Variants in NGEF observed in about 807,000 individuals in gnomAD.
NGEF encodes neuronal guanine nucleotide exchange factor.
A neutral mutation model predicts 80.9 loss-of-function variants in NGEF; 31 were observed. That is an observed-to-expected ratio of 0.38 (90% CI 0.29 to 0.52). The LOEUF is 0.52. Ranked by LOEUF, NGEF falls within the 20% of genes least tolerant of loss-of-function variation. The pLI, the probability that NGEF is intolerant of heterozygous loss-of-function variation, is 0.84. For synonymous variants in NGEF, 371 were observed against 370.2 expected, an observed-to-expected ratio of 1.00 and a Z score of -0.03; for missense variants, 709 against 926.2, an observed-to-expected ratio of 0.77 and a Z score of 3.04.
intron 3 of NGEF, among the ~76,000 whole-genome samples, chr2:232,930,429 C>T (rs966694012): frequency 1.3e-5 from 2 of 152,056 alleles, no homozygotes; most frequent in African/African-American, 4.8e-5. Context: ...AAGCGATTCT[C>T]CTGCCTCAGG....
At chr2:232,963,675 G>C (rs538797466) in intron 3 of NGEF, among the ~76,000 whole-genome samples, 2 of 152,228 alleles carry the variant, frequency 1.3e-5, no homozygotes, top group South Asian at 4.1e-4. Flanking sequence ...TTAGCTGGGC[G>C]TGGTGGCAGG....
chr2:232,890,970 C>T, intron 8 of NGEF: 1 of 474,560 alleles, frequency 2.1e-6, no homozygotes, highest in East Asian at 6.8e-5. Flanking sequence ...GCGGTTCCCT[C>T]TGCGTGGAAT....
At chr2:232,925,939 G>A (rs1878287) in intron 4 of NGEF, among the ~76,000 whole-genome samples, 4 of 151,954 alleles carry the variant, frequency 2.6e-5, no homozygotes, top group Non-Finnish European at 5.9e-5. Flanking sequence ...CGGAGTCAGC[G>A]CGGCTTAACA....
intron 1 of NGEF, among the ~76,000 whole-genome samples, chr2:233,004,919 T>C (rs1329779362): frequency 6.6e-6 from 1 of 152,016 alleles, no homozygotes; most frequent in African/African-American, 2.4e-5. Context: ...CACTGTGCAA[T>C]ATATCCATGT....
At chr2:232,989,625 C>A (rs1006846730) in intron 1 of NGEF, among the ~76,000 whole-genome samples, 15 of 152,074 alleles carry the variant, frequency 9.9e-5, no homozygotes, top group African/African-American at 3.1e-4. Context: ...CTCCAAGACC[C>A]CTGCTATGCA....
chr2:233,001,251 G>A (rs963018607), intron 1 of NGEF, among the ~76,000 whole-genome samples: 1 of 152,196 alleles, frequency 6.6e-6, no homozygotes, highest in African/African-American at 2.4e-5. Flanking sequence ...CAGACCTCTC[G>A]CTCAGGCCCA....
At chr2:232,957,644 T>A (rs1693857304) in intron 3 of NGEF, among the ~76,000 whole-genome samples, 1 of 152,188 alleles carries the variant, frequency 6.6e-6, no homozygotes, top group Non-Finnish European at 1.5e-5. Context: ...AATATTAATG[T>A]TAAATGTGAA....
At chr2:233,001,368 A>G (rs946667064) in intron 1 of NGEF, among the ~76,000 whole-genome samples, 1 of 152,110 alleles carries the variant, frequency 6.6e-6, no homozygotes, top group Non-Finnish European at 1.5e-5. Flanking sequence ...CATCGAAAGC[A>G]CCTTTGCACA....
intron 1 of NGEF, among the ~76,000 whole-genome samples, chr2:232,977,799 G>A (rs1048282888): frequency 1.1e-4 from 17 of 152,292 alleles, no homozygotes; most frequent in African/African-American, 3.9e-4. Flanking sequence ...CATAGAGCAC[G>A]TCCTGAGGGG....
At chr2:232,938,952 AGG>A (rs1693385416) in intron 3 of NGEF, among the ~76,000 whole-genome samples, 3 of 151,912 alleles carry the variant, frequency 2.0e-5, no homozygotes, top group Admixed American at 2.0e-4. Context: ...AGGCCGAGGC[AGG>A]TGGATCAGAG....
chr2:232,961,277 C>T (rs1448255982), intron 3 of NGEF, among the ~76,000 whole-genome samples: 1 of 152,120 alleles, frequency 6.6e-6, no homozygotes, highest in Non-Finnish European at 1.5e-5. Context: ...CACCCAAGTC[C>T]CTTTCGGCAT....
intron 3 of NGEF, among the ~76,000 whole-genome samples, chr2:232,969,340 G>A (rs4312479): frequency 6.6e-6 from 1 of 151,328 alleles, no homozygotes. Flanking sequence ...AAAATCCTGG[G>A]CTCAAACAAT....
chr2:232,924,006 G>A (rs1438772266), intron 4 of NGEF, among the ~76,000 whole-genome samples: 1 of 152,112 alleles, frequency 6.6e-6, no homozygotes, highest in Non-Finnish European at 1.5e-5. Context: ...GGAGGCTAAG[G>A]TGGGTGGATC....
intron 5 of NGEF, among the ~76,000 whole-genome samples, chr2:232,896,712 A>AGGGGTGGGGGTG (rs1692090287): frequency 1.4e-4 from 1 of 7,002 alleles, no homozygotes; most frequent in Non-Finnish European, 2.3e-4. Context: ...GGGTGGGGGT[A>AGGGGTGGGGGTG]GGGGTGAGTG....
intron 1 of NGEF, among the ~76,000 whole-genome samples, chr2:232,998,190 T>G (rs1694895725): frequency 6.6e-6 from 1 of 152,016 alleles, no homozygotes. Context: ...CCCTTTCCAT[T>G]GAGCTCATTT....
At chr2:232,900,966 C>T (rs534973939) in intron 5 of NGEF, among the ~76,000 whole-genome samples, 3 of 152,216 alleles carry the variant, frequency 2.0e-5, no homozygotes, top group South Asian at 2.1e-4. Context: ...AGCCAGGTCC[C>T]GGAGTTAGGG....
In NGEF at chr2:232,974,907, G is replaced by A. The variant is rs751719797; in HGVS notation, c.-17C>T. 11 of 1,609,036 alleles carry A rather than the reference G, an allele frequency of 6.8e-6. No homozygotes were observed. Among genetic ancestry groups the A allele is most frequent in the Non-Finnish European group, 9.3e-6 (11 of 1,177,884 alleles). On this transcript the variant is annotated 5_prime_UTR_variant, in exon 2 of 15. Transcript: ENST00000264051. ...GGTCTCCATGGAAATAGAGCCAGAT[G>A]TTTCTCAGCAGAACGACTGGAGGTC...
intron 5 of NGEF, among the ~76,000 whole-genome samples, chr2:232,906,076 G>GTC (rs1692516028): frequency 3.5e-5 from 4 of 115,042 alleles, no homozygotes; most frequent in Admixed American, 8.2e-5. Flanking sequence ...AGGTGAGGGG[G>GTC]TCAGCCCCCC....
chr2:232,994,430 A>G (rs2106336898), intron 1 of NGEF, among the ~76,000 whole-genome samples: 1 of 152,250 alleles, frequency 6.6e-6, no homozygotes, highest in South Asian at 2.1e-4. Flanking sequence ...AGTTTTGAAC[A>G]CTGGTTAACA....
Sources: gnomAD v4.1 joint callset for allele counts (sites outside exome capture counted in the v4.1 genomes callset) on GRCh38, gnomAD v4.1.1 for gene constraint, MANE v1.5 for transcripts, NCBI Gene and HGNC (gene_info 2026-07-23, HGNC 2026-07-21) for gene names.